Variants in PACSIN2 observed in about 807,000 individuals in gnomAD.
PACSIN2 encodes the protein protein kinase C and casein kinase substrate in neurons protein 2.
Under a neutral mutation model 63.8 loss-of-function variants are expected in PACSIN2, and 25 were observed. The ratio of observed to expected loss-of-function variants is 0.39; its 90% CI spans 0.29 to 0.55. The LOEUF is 0.55. Among genes scored for constraint, PACSIN2 ranks in the 20% least tolerant of loss-of-function variants. The probability of loss-of-function intolerance (pLI) is 0.62; values close to 1 mark genes in which losing one functional copy is unlikely to be tolerated. For missense variants in PACSIN2, 518 were observed against 646.9 expected (o/e 0.80, Z 2.16); for synonymous variants, 255 against 256.2 (o/e 1.00, Z 0.05).
chr22:42,876,373 C>A, intron 9 of PACSIN2, 40 bp from the exon 10 acceptor site: 1 of 1,576,788 alleles, frequency 6.3e-7, no homozygotes, highest in Non-Finnish European at 8.7e-7. Flanking sequence ...CAGCACAGGG[C>A]GGCAGAGGGT....
intron 5 of PACSIN2, among the ~76,000 whole-genome samples, chr22:42,885,523 C>T (rs760790751): frequency 6.6e-6 from 1 of 152,142 alleles, no homozygotes; most frequent in African/African-American, 2.4e-5. Flanking sequence ...AAGGATGGAG[C>T]GCTTCCCGAG....
intron 2 of PACSIN2, among the ~76,000 whole-genome samples, chr22:42,896,353 T>C (rs116964212): frequency 3.6e-5 from 2 of 55,242 alleles, no homozygotes; most frequent in East Asian, 4.7e-4. Flanking sequence ...TCACTCTTTC[T>C]TACTGCTAAG....
chr22:42,962,620 C>T (rs1920926092), intron 1 of PACSIN2, among the ~76,000 whole-genome samples: 1 of 151,958 alleles, frequency 6.6e-6, no homozygotes, highest in Admixed American at 6.5e-5. Context: ...ACATCCAGCA[C>T]AGGGCAAGGG....
At chr22:42,917,006 A>C (rs777965567) in intron 1 of PACSIN2, among the ~76,000 whole-genome samples, 1 of 152,140 alleles carries the variant, frequency 6.6e-6, no homozygotes, top group Non-Finnish European at 1.5e-5. Context: ...CCTTGCCACC[A>C]GCCCTCCCTT....
chr22:42,955,272 A>G (rs1933866410), intron 1 of PACSIN2, among the ~76,000 whole-genome samples: 1 of 151,964 alleles, frequency 6.6e-6, no homozygotes, highest in African/African-American at 2.4e-5. Flanking sequence ...CCAAGAAGGT[A>G]AACTGAATGA....
At chr22:42,873,798 C>CTTT (rs11386127) in intron 10 of PACSIN2, among the ~76,000 whole-genome samples, 1 of 145,682 alleles carries the variant, frequency 6.9e-6, no homozygotes. Flanking sequence ...ATTTTCTTTC[C>CTTT]TTTTTTTTTT....
intron 1 of PACSIN2, among the ~76,000 whole-genome samples, chr22:43,004,033 T>G (rs1484312870): frequency 6.6e-6 from 1 of 152,222 alleles, no homozygotes; most frequent in Admixed American, 6.5e-5. Context: ...ATAATCTCCC[T>G]CATGTCTATG....
intron 7 of PACSIN2, chr22:42,880,652 T>C (rs1374435965): frequency 1.3e-5 from 2 of 152,252 alleles, no homozygotes; most frequent in South Asian, 2.1e-4. Context: ...AAACAAAGAA[T>C]TGCATTAGAG....
At chr22:43,014,718 C>G (rs1401387441) in intron 1 of PACSIN2, among the ~76,000 whole-genome samples, 1 of 151,808 alleles carries the variant, frequency 6.6e-6, no homozygotes, top group African/African-American at 2.4e-5. Context: ...AGGCCCCGGA[C>G]CCCGGAAAAC....
chr22:42,971,711 G>C (rs926828744), intron 1 of PACSIN2, among the ~76,000 whole-genome samples: 14 of 152,032 alleles, frequency 9.2e-5, no homozygotes, highest in African/African-American at 3.4e-4. Flanking sequence ...CCCTGTCTGG[G>C]AAGTGAGGAG....
chr22:42,990,195 G>A (rs750400603), intron 1 of PACSIN2, among the ~76,000 whole-genome samples: 31 of 151,942 alleles, frequency 2.0e-4, no homozygotes, highest in Non-Finnish European at 3.8e-4. Context: ...GTCAGTCAAC[G>A]TGACTTTCCA....
chr22:42,980,535 G>T (rs900850502), intron 1 of PACSIN2, among the ~76,000 whole-genome samples: 1 of 120,554 alleles, frequency 8.3e-6, no homozygotes, highest in Non-Finnish European at 1.7e-5. Flanking sequence ...CTCTGATGCC[G>T]AGCCAAAGCT....
At chr22:42,921,832 G>A (rs888936123) in intron 1 of PACSIN2, among the ~76,000 whole-genome samples, 2 of 151,464 alleles carry the variant, frequency 1.3e-5, no homozygotes, top group Admixed American at 6.6e-5. Context: ...TCCGTCTCCC[G>A]GGTTCAGGCG....
At chr22:42,909,086 G>A (rs1931278217) in intron 2 of PACSIN2, among the ~76,000 whole-genome samples, 1 of 152,146 alleles carries the variant, frequency 6.6e-6, no homozygotes, top group Non-Finnish European at 1.5e-5. Flanking sequence ...TCCTCCCACA[G>A]GTCAGTATGG....
intron 1 of PACSIN2, among the ~76,000 whole-genome samples, chr22:42,972,640 C>T (rs1179219816): frequency 6.6e-6 from 1 of 152,114 alleles, no homozygotes; most frequent in Non-Finnish European, 1.5e-5. Context: ...CAGGATGGGC[C>T]CAAAGTGGCC....
Position 42,871,517 on chromosome 22 carries a change from G to A in PACSIN2, c.1349-48C>T, listed in dbSNP as rs778397519. On this transcript the variant is annotated intron_variant, in intron 10 of 10. Transcript: ENST00000263246. The surrounding 1 kb of genome is among the most constrained non-coding windows in gnomAD (Gnocchi z 5.4). ...TCTCCATGAGAGGTATGACACCGAC[G>A]GTGGGCTACAGAGCCGCATTCACGA... 2.8e-5 allele frequency: 40 copies of A among 1,416,942 alleles called. No homozygotes were observed. Among genetic ancestry groups the A allele is most frequent in the South Asian group, 1.4e-4 (12 of 87,188 alleles). The allele number at this position is 1,416,942 out of a possible 1,614,324, so 87.8% of individuals were successfully genotyped here. A position where few individuals can be genotyped will look rare whatever the true frequency, so the allele number is the denominator to read the frequency against.
At chr22:42,924,893 A>G (rs1019415965) in intron 1 of PACSIN2, among the ~76,000 whole-genome samples, 1 of 151,694 alleles carries the variant, frequency 6.6e-6, no homozygotes, top group Non-Finnish European at 1.5e-5. Context: ...AGTAGCTGGG[A>G]CTACAGGTGC....
intron 1 of PACSIN2, among the ~76,000 whole-genome samples, chr22:42,981,860 C>T (rs1407989023): frequency 5.2e-5 from 6 of 114,434 alleles, no homozygotes; most frequent in South Asian, 6.4e-4. Flanking sequence ...CCGCCCCGTC[C>T]GGGAGGGAGG....
intron 7 of PACSIN2, among the ~76,000 whole-genome samples, chr22:42,881,155 A>G (rs1283869102): frequency 6.6e-6 from 1 of 152,184 alleles, no homozygotes; most frequent in East Asian, 1.9e-4. Context: ...TCATTTGGAA[A>G]AACCTTCCTG....
Sources: gnomAD v4.1 joint callset for allele counts (sites outside exome capture counted in the v4.1 genomes callset) on GRCh38, gnomAD v4.1.1 for gene constraint, Gnocchi (gnomAD v3.1) non-coding constraint, MANE v1.5 for transcripts, NCBI Gene and HGNC (gene_info 2026-07-23, HGNC 2026-07-21) for gene names.